Variants in TNNI3K observed in about 807,000 individuals in gnomAD.
The protein encoded by TNNI3K is TNNI3 interacting kinase.
TNNI3K carries 140 observed loss-of-function variants against 114.5 expected under a neutral mutation model. The observed-to-expected ratio is 1.22, with a 90% CI of 1.07 to 1.41. The LOEUF is 1.41. Ranked by LOEUF, TNNI3K falls within the 40% of genes most tolerant of loss-of-function variation. TNNI3K has a pLI of 0.00. For missense variants in TNNI3K, 1,125 were observed against 1,007.6 expected (o/e 1.12, Z -1.58); for synonymous variants, 347 against 347.5 (o/e 1.00, Z 0.02).
intron 5 of TNNI3K, among the ~76,000 whole-genome samples, chr1:74,318,278 G>A (rs1570459562): frequency 6.6e-6 from 1 of 152,176 alleles, no homozygotes; most frequent in African/African-American, 2.4e-5. Context: ...TCCCTAAGGA[G>A]CTATTTTAAA....
chr1:74,489,282 A>G, intron 22 of TNNI3K, 34 bp downstream of exon 22: 2 of 1,597,462 alleles, frequency 1.3e-6, no homozygotes, highest in Non-Finnish European at 1.7e-6. Flanking sequence ...ATGTCCATAA[A>G]AAAGCCCTGC....
chr1:74,242,011 G>T (rs1321930507), intron 2 of TNNI3K, among the ~76,000 whole-genome samples: 2 of 151,772 alleles, frequency 1.3e-5, no homozygotes, highest in African/African-American at 4.8e-5. Context: ...CACCACACCT[G>T]GCTAATTTTT....
intron 23 of TNNI3K, among the ~76,000 whole-genome samples, chr1:74,498,295 T>A (rs1037951988): frequency 7.9e-5 from 12 of 152,182 alleles, no homozygotes; most frequent in African/African-American, 2.9e-4. Context: ...TCAGTAATTA[T>A]CTCAATCAGC....
intron 23 of TNNI3K, among the ~76,000 whole-genome samples, chr1:74,519,759 C>T (rs570298242): frequency 2.6e-5 from 4 of 152,106 alleles, no homozygotes; most frequent in African/African-American, 9.6e-5. Context: ...GGACAAGTAC[C>T]TATAATGAAG....
chr1:74,335,459 ATT>A (rs1553132797), intron 6 of TNNI3K, among the ~76,000 whole-genome samples: 1 of 151,886 alleles, frequency 6.6e-6, no homozygotes, highest in Non-Finnish European at 1.5e-5. Flanking sequence ...CTGACTCCTT[ATT>A]TTATTTCACT....
chr1:74,274,387 G>C (rs1233315259), intron 5 of TNNI3K, among the ~76,000 whole-genome samples: 1 of 151,880 alleles, frequency 6.6e-6, no homozygotes, highest in Non-Finnish European at 1.5e-5. Context: ...TCAAACCTGT[G>C]TTGTTCAAGG....
chr1:74,485,059 G>A (rs1668685015), intron 21 of TNNI3K, among the ~76,000 whole-genome samples: 1 of 152,282 alleles, frequency 6.6e-6, no homozygotes, highest in South Asian at 2.1e-4. Context: ...CTGATGGAAT[G>A]TGCTAGGTGT....
At chr1:74,344,938 G>T (rs1660922514) in intron 9 of TNNI3K, among the ~76,000 whole-genome samples, 1 of 152,008 alleles carries the variant, frequency 6.6e-6, no homozygotes, top group Non-Finnish European at 1.5e-5. Flanking sequence ...CACAGAGTAA[G>T]CACTCAGTAC....
At chr1:74,334,460 C>A (rs1338629716) in intron 6 of TNNI3K, among the ~76,000 whole-genome samples, 3 of 152,168 alleles carry the variant, frequency 2.0e-5, no homozygotes, top group African/African-American at 7.2e-5. Flanking sequence ...TGAACCCTAA[C>A]TGCTATTTTA....
chr1:74,446,842 G>C (rs1267618140), intron 20 of TNNI3K, among the ~76,000 whole-genome samples: 1 of 149,764 alleles, frequency 6.7e-6, no homozygotes, highest in Non-Finnish European at 1.5e-5. Flanking sequence ...TCAAAGATCA[G>C]ATAGTTGTAG....
intron 17 of TNNI3K, among the ~76,000 whole-genome samples, chr1:74,411,984 C>G (rs1664902887): frequency 6.6e-6 from 1 of 151,920 alleles, no homozygotes; most frequent in South Asian, 2.1e-4. Flanking sequence ...ATACATAGTT[C>G]AAAGTATTAT....
intron 17 of TNNI3K, among the ~76,000 whole-genome samples, chr1:74,386,444 AT>A (rs1663483843): frequency 1.3e-5 from 2 of 152,216 alleles, no homozygotes; most frequent in South Asian, 4.1e-4. Flanking sequence ...TTTTCCTTTT[AT>A]AAAATATCAT....
At position 74,404,834 on chromosome 1, in the gene TNNI3K, C is replaced by T. The variant is rs45622436; in HGVS notation, c.1773-31246C>T. Among the ~76,000 whole-genome samples, 627 of 152,244 alleles carry T rather than the reference C, an allele frequency of 4.1e-3. 5 individuals carry two copies. The highest frequency in any genetic ancestry group is 0.014 in the African/African-American group (602 of 41,544). On this transcript the variant is annotated intron_variant, in intron 17 of 24. Transcript: ENST00000326637. Reference sequence around the variant, plus strand: ...CTAAGTAAACTCCTGGTTATGATTCCGCTTCTCCTAGCCCTAAGGGGCAAC... The same window carrying T: ...CTAAGTAAACTCCTGGTTATGATTCTGCTTCTCCTAGCCCTAAGGGGCAAC...
At chr1:74,533,213 A>G (rs1646613815) in intron 23 of TNNI3K, among the ~76,000 whole-genome samples, 1 of 152,196 alleles carries the variant, frequency 6.6e-6, no homozygotes, top group South Asian at 2.1e-4. Context: ...TCAAATTTAC[A>G]AGAAAAAAAC....
Position 74,478,264 on chromosome 1 carries a change from A to C in TNNI3K, c.2122-10925A>C, listed in dbSNP as rs138642296. Among the ~76,000 whole-genome samples the C allele has an allele frequency of 2.2e-4, 34 of 152,314 alleles. 1 individual carries two copies. In the East Asian group the frequency reaches 6.6e-3, roughly 29 times the overall value. On this transcript the variant is annotated intron_variant, in intron 21 of 24. Coordinates refer to ENST00000326637, the MANE Select transcript of TNNI3K (RefSeq NM_015978.3). ...ACTACAATTTAACAATTATTTGATG[A>C]AAGATATATTAGTATGATAATTCAC...
At chr1:74,532,471 C>A (rs974477163) in intron 23 of TNNI3K, among the ~76,000 whole-genome samples, 2 of 148,202 alleles carry the variant, frequency 1.3e-5, no homozygotes, top group Non-Finnish European at 3.0e-5. Flanking sequence ...TCTTTTTTTT[C>A]TTTTTATTTT....
chr1:74,422,933 T>G (rs1022719281), intron 17 of TNNI3K, among the ~76,000 whole-genome samples: 1 of 152,132 alleles, frequency 6.6e-6, no homozygotes, highest in Non-Finnish European at 1.5e-5. Context: ...TAAACTTGGA[T>G]AAAATCACTG....
chr1:74,482,385 C>T (rs1182446203), intron 21 of TNNI3K, among the ~76,000 whole-genome samples: 8 of 152,182 alleles, frequency 5.3e-5, no homozygotes, highest in Non-Finnish European at 1.2e-4. Flanking sequence ...CATCAACTGT[C>T]TCTGATCAGG....
chr1:74,468,875 A>C (rs1667786734), intron 21 of TNNI3K: 1 of 152,118 alleles, frequency 6.6e-6, no homozygotes. Flanking sequence ...TCAATAATTA[A>C]ATTATTTGAA....
Sources: gnomAD v4.1 joint callset for allele counts (sites outside exome capture counted in the v4.1 genomes callset) on GRCh38, gnomAD v4.1.1 for gene constraint, MANE v1.5 for transcripts, NCBI Gene and HGNC (gene_info 2026-07-23, HGNC 2026-07-21) for gene names.